TENM4: variants seen among roughly 807,000 people sequenced by gnomAD.
TENM4 encodes the protein teneurin transmembrane protein 4.
TENM4 carries 82 observed loss-of-function variants against 243.3 expected under a neutral mutation model. That is an observed-to-expected ratio of 0.34 (90% confidence interval 0.28 to 0.40). The LOEUF (loss-of-function observed/expected upper bound fraction) is 0.40, where lower values mean the gene tolerates loss of function less well. Ranked by LOEUF, TENM4 falls within the 10% of genes least tolerant of loss-of-function variation. The pLI, the probability that TENM4 is intolerant of heterozygous loss-of-function variation, is 1.00. For missense variants in TENM4, 3,138 were observed against 3,673.3 expected (o/e 0.85, Z 3.77); for synonymous variants, 1,412 against 1,456.3 (o/e 0.97, Z 0.69).
At chr11:78,913,663 C>T (rs941404057) in intron 6 of TENM4, among the ~76,000 whole-genome samples, 1 of 148,268 alleles carries the variant, frequency 6.7e-6, no homozygotes, top group Non-Finnish European at 1.5e-5. Context: ...CAACAGGAGT[C>T]GGCAGTGTGA....
chr11:79,264,218 G>A (rs907536006), intron 2 of TENM4, among the ~76,000 whole-genome samples: 1 of 152,114 alleles, frequency 6.6e-6, no homozygotes, highest in African/African-American at 2.4e-5. Context: ...GCCGGCACGG[G>A]TGCTTTACAA....
At chr11:79,319,566 T>C (rs1023109909) in intron 1 of TENM4, among the ~76,000 whole-genome samples, 1 of 152,144 alleles carries the variant, frequency 6.6e-6, no homozygotes. Context: ...TTCCACCAAA[T>C]GGATGATCCT....
intron 2 of TENM4, among the ~76,000 whole-genome samples, chr11:79,234,871 G>T (rs1449875986): frequency 6.6e-6 from 1 of 152,172 alleles, no homozygotes; most frequent in Non-Finnish European, 1.5e-5. Flanking sequence ...TGGATGCGGG[G>T]CACCTGGCTT....
intron 4 of TENM4, among the ~76,000 whole-genome samples, chr11:79,137,998 G>T (rs1005157042): frequency 6.6e-6 from 1 of 151,728 alleles, no homozygotes; most frequent in African/African-American, 2.4e-5. Context: ...TGTGTGTGAG[G>T]GTGTTGCCAA....
intron 2 of TENM4, among the ~76,000 whole-genome samples, chr11:79,241,332 G>A (rs1346798509): frequency 6.6e-6 from 1 of 152,052 alleles, no homozygotes; most frequent in East Asian, 1.9e-4. Context: ...GCAGCAAGGT[G>A]GCAAGCAGGG....
intron 4 of TENM4, among the ~76,000 whole-genome samples, chr11:79,100,611 G>A (rs930560399): frequency 4.6e-5 from 7 of 152,066 alleles, no homozygotes; most frequent in Non-Finnish European, 8.8e-5. Context: ...TACCTATGGC[G>A]CTGCTTGGCA....
chr11:79,027,881 C>T (rs1859121307), intron 6 of TENM4, among the ~76,000 whole-genome samples: 1 of 152,122 alleles, frequency 6.6e-6, no homozygotes, highest in Non-Finnish European at 1.5e-5. Context: ...CAATTCAGCC[C>T]CCTAACACGC....
intron 6 of TENM4, among the ~76,000 whole-genome samples, chr11:78,910,526 C>G (rs1419665249): frequency 6.6e-6 from 1 of 152,260 alleles, no homozygotes; most frequent in Non-Finnish European, 1.5e-5. Flanking sequence ...GATAGCCTGA[C>G]TTCCAGTCTC....
chr11:78,742,977 C>T (rs1855966656), intron 19 of TENM4, among the ~76,000 whole-genome samples: 1 of 152,146 alleles, frequency 6.6e-6, no homozygotes, highest in Non-Finnish European at 1.5e-5. Context: ...AACCTCCATT[C>T]TCTCATCTGT....
At chr11:79,036,732 C>A (rs955852705) in intron 6 of TENM4, among the ~76,000 whole-genome samples, 7 of 152,108 alleles carry the variant, frequency 4.6e-5, no homozygotes, top group African/African-American at 1.7e-4. Context: ...ATACACTCGG[C>A]CAGGCGCAGT....
intron 9 of TENM4, among the ~76,000 whole-genome samples, chr11:78,868,589 T>A (rs561322579): frequency 6.6e-6 from 1 of 152,262 alleles, no homozygotes; most frequent in South Asian, 2.1e-4. Flanking sequence ...AGCTCTATCT[T>A]GACATTTTAA....
chr11:79,350,215 G>T (rs573909020), intron 1 of TENM4, among the ~76,000 whole-genome samples: 1 of 152,264 alleles, frequency 6.6e-6, no homozygotes, highest in African/African-American at 2.4e-5. Flanking sequence ...TAAGAAAAAG[G>T]TCTCCAACCT....
chr11:79,259,368 G>C (rs1855752998), intron 2 of TENM4, among the ~76,000 whole-genome samples: 1 of 151,974 alleles, frequency 6.6e-6, no homozygotes, highest in Non-Finnish European at 1.5e-5. Flanking sequence ...TACATGTTAA[G>C]TCCTAGGCAT....
At position 78,670,363 on chromosome 11, in the gene TENM4, C is replaced by A; in HGVS notation, c.5982G>T (p.Glu1994Asp). The A allele has an allele frequency of 6.2e-7, 1 of 1,613,950 alleles. No homozygotes were observed. The highest frequency in any genetic ancestry group is 1.3e-5 in the African/African-American group (1 of 75,050). The change falls in exon 32 of 34, where the codon GAG (glutamate) becomes GAT (aspartate). Residue 1994 changes from glutamate to aspartate, a missense_variant. Glu to Asp is a conservative substitution (Grantham distance 45). This residue lies in a region of TENM4 where 2,467 missense variants were observed against 3,059.1 expected (regional missense o/e 0.81). Transcript: ENST00000278550. ...GNASVIQDFT[E>D]DGHLLHTFYL... ...AGAAGGTGTGAAGGAGGTGCCCATC[C>A]TCAGTGAAGTCCTGTATGACTGAGG...
At chr11:79,041,438 A>G (rs1859526393) in intron 6 of TENM4, among the ~76,000 whole-genome samples, 1 of 151,644 alleles carries the variant, frequency 6.6e-6, no homozygotes, top group African/African-American at 2.4e-5. Flanking sequence ...AGGACCATTG[A>G]GAGAATAACA....
chr11:79,286,865 A>G (rs1856264110), intron 2 of TENM4, among the ~76,000 whole-genome samples: 1 of 152,184 alleles, frequency 6.6e-6, no homozygotes, highest in Admixed American at 6.5e-5. Context: ...CCTCATTCTT[A>G]AACATCTTAG....
chr11:79,163,980 A>ATATC (rs1862826228), intron 3 of TENM4, among the ~76,000 whole-genome samples: 1 of 130,914 alleles, frequency 7.6e-6, no homozygotes, highest in Non-Finnish European at 1.6e-5. Context: ...TATATAGTGT[A>ATATC]TATATAGTGT....
chr11:78,807,048 A>G (rs1009763508), intron 14 of TENM4, among the ~76,000 whole-genome samples: 2 of 152,258 alleles, frequency 1.3e-5, no homozygotes, highest in African/African-American at 2.4e-5. Context: ...TTAAGGCTGA[A>G]TAATATTCCA....
Position 79,064,834 on chromosome 11 carries a change from C to T in TENM4, c.397G>A (p.Gly133Ser), listed in dbSNP as rs1245128451. Reference sequence around the variant, plus strand: ...CTGCGCCCTGACCGTGTGCTCCGGCCCCACAGACGCACGGGGTGCTCAGGG... The same window carrying T: ...CTGCGCCCTGACCGTGTGCTCCGGCTCCACAGACGCACGGGGTGCTCAGGG... ...LSPEHPVRLW[G>S]RSTRSGRSSC... is the part of the protein sequence containing the mutation. Residue 133 changes from glycine (G) to serine (S), a missense_variant, in exon 6 of 34, where the codon GGC becomes AGC. Physicochemically the swap from Gly to Ser is moderately conservative, Grantham distance 56 (BLOSUM62 0). Transcript: ENST00000278550. The T allele has an allele frequency of 6.4e-7, 1 of 1,551,470 alleles. No homozygotes were observed.
Sources: gnomAD v4.1 joint callset for allele counts (sites outside exome capture counted in the v4.1 genomes callset) on GRCh38, gnomAD v4.1.1 for gene constraint, gnomAD v4.1.1 regional missense constraint, MANE v1.5 for transcripts, NCBI Gene and HGNC (gene_info 2026-07-23, HGNC 2026-07-21) for gene names.